The following ENTREP2 variants were observed in gnomAD, a reference collection of about 807,000 sequenced individuals.
ENTREP2 encodes the protein endosomal transmembrane epsin interactor 2.
At chr15:29,306,991 ACC>A in the ENTREP2 span, among the ~76,000 whole-genome samples, 34 of 151,496 alleles carry the variant, frequency 2.2e-4, no homozygotes, top group Middle Eastern at 3.4e-3. Context: ...CAGGCAATCC[ACC>A]CTCCTCGGCC....
At chr15:29,658,112 T>G in the ENTREP2 span, among the ~76,000 whole-genome samples, 1 of 152,302 alleles carries the variant, frequency 6.6e-6, no homozygotes, top group African/African-American at 2.4e-5. Context: ...ATAATTTCCA[T>G]AATCCCCACA....
the ENTREP2 span, chr15:29,675,142 G>C: frequency 6.5e-6 from 1 of 152,956 alleles, no homozygotes; most frequent in African/African-American, 2.4e-5. Flanking sequence ...CCCAGTCCTC[G>C]GCGTCCCGCA....
chr15:29,149,991 C>T, the ENTREP2 span, among the ~76,000 whole-genome samples: 5 of 152,354 alleles, frequency 3.3e-5, no homozygotes, highest in East Asian at 1.9e-4. Flanking sequence ...CTGCCTTTCC[C>T]TTGCACAGTA....
the ENTREP2 span, among the ~76,000 whole-genome samples, chr15:29,290,578 T>G: frequency 6.6e-6 from 1 of 152,214 alleles, no homozygotes; most frequent in Non-Finnish European, 1.5e-5. Context: ...TTGCCTCTTT[T>G]GTTCACTGTT....
At chr15:29,398,724 AAAAAT>A in the ENTREP2 span, among the ~76,000 whole-genome samples, 1 of 152,226 alleles carries the variant, frequency 6.6e-6, no homozygotes, top group African/African-American at 2.4e-5. Flanking sequence ...ACTCCGTCTC[AAAAAT>A]AAAATAAAAT....
the ENTREP2 span, among the ~76,000 whole-genome samples, chr15:29,570,982 C>T: frequency 6.9e-6 from 1 of 145,072 alleles, no homozygotes; most frequent in African/African-American, 2.5e-5. Context: ...TGCGCCCTCC[C>T]CCGCCCGCCC....
the ENTREP2 span, among the ~76,000 whole-genome samples, chr15:29,224,193 A>G: frequency 6.6e-6 from 1 of 151,892 alleles, no homozygotes; most frequent in African/African-American, 2.4e-5. Context: ...GGTGAGTGTT[A>G]CAGCTCTCAA....
the ENTREP2 span, chr15:29,612,557 T>C: frequency 1.3e-5 from 2 of 152,384 alleles, no homozygotes; most frequent in Non-Finnish European, 2.9e-5. Context: ...GGCAAAAAAA[T>C]TAAATGTTAA....
At chr15:29,657,817 C>T in the ENTREP2 span, among the ~76,000 whole-genome samples, 1 of 151,994 alleles carries the variant, frequency 6.6e-6, no homozygotes, top group African/African-American at 2.4e-5. Context: ...AATTAGATAA[C>T]CAAATTGTGA....
chr15:29,444,216 AAG>A, the ENTREP2 span, among the ~76,000 whole-genome samples: 12 of 151,152 alleles, frequency 7.9e-5, no homozygotes, highest in Non-Finnish European at 1.3e-4. Context: ...GAAAGAAAGA[AAG>A]AAAGAAAGAA....
the ENTREP2 span, among the ~76,000 whole-genome samples, chr15:29,572,422 T>C: frequency 2.0e-5 from 3 of 152,216 alleles, no homozygotes; most frequent in Non-Finnish European, 4.4e-5. Flanking sequence ...ATACAAGGCA[T>C]GACCCTGGAC....
chr15:29,119,747 G>A, the ENTREP2 span, among the ~76,000 whole-genome samples: 7 of 151,318 alleles, frequency 4.6e-5, no homozygotes, highest in African/African-American at 9.8e-5. Flanking sequence ...AGAATGCCAG[G>A]GATGGCCACA....
the ENTREP2 span, among the ~76,000 whole-genome samples, chr15:29,256,102 A>G: frequency 3.3e-5 from 5 of 152,070 alleles, no homozygotes; most frequent in African/African-American, 9.7e-5. Context: ...ACCAAATACT[A>G]TATATTCTCA....
At chr15:29,220,413 G>T in the ENTREP2 span, among the ~76,000 whole-genome samples, 1 of 152,148 alleles carries the variant, frequency 6.6e-6, no homozygotes, top group Non-Finnish European at 1.5e-5. Flanking sequence ...TATATTTTAT[G>T]CAAAGAAGCC....
the ENTREP2 span, among the ~76,000 whole-genome samples, chr15:29,250,929 C>T: frequency 6.6e-6 from 1 of 152,168 alleles, no homozygotes; most frequent in African/African-American, 2.4e-5. Flanking sequence ...ATTCAACAGA[C>T]AATAACAAGA....
chr15:29,609,769 G>A, the ENTREP2 span: 1 of 150,322 alleles, frequency 6.7e-6, no homozygotes, highest in African/African-American at 2.4e-5. Flanking sequence ...TTACACAAGT[G>A]CATATGAGCA....
At chr15:29,583,658 AT>A in the ENTREP2 span, among the ~76,000 whole-genome samples, 1 of 152,160 alleles carries the variant, frequency 6.6e-6, no homozygotes, top group Admixed American at 6.6e-5. Flanking sequence ...AATAATAATA[AT>A]TTTTTTAAAA....
chr15:29,450,719 G>C, the ENTREP2 span, among the ~76,000 whole-genome samples: 1 of 152,162 alleles, frequency 6.6e-6, no homozygotes, highest in Non-Finnish European at 1.5e-5. Context: ...CAACCTAAAT[G>C]CCCATCAATG....
At chr15:29,494,720 G>A in the ENTREP2 span, among the ~76,000 whole-genome samples, 1 of 152,146 alleles carries the variant, frequency 6.6e-6, no homozygotes, top group African/African-American at 2.4e-5. Flanking sequence ...TATGAGCCAC[G>A]TTTTTAGATT....
Sources: gnomAD v4.1 joint callset for allele counts (sites outside exome capture counted in the v4.1 genomes callset) on GRCh38, gnomAD v4.1.1 for gene constraint, MANE v1.5 for transcripts, NCBI Gene and HGNC (gene_info 2026-07-23, HGNC 2026-07-21) for gene names.